IFT43: variants seen among roughly 807,000 people sequenced by gnomAD.
IFT43 encodes intraflagellar transport protein 43 homolog.
IFT43 carries 33 observed loss-of-function variants against 32.3 expected under a neutral mutation model. That is an observed-to-expected ratio of 1.02 (90% CI 0.77 to 1.37). IFT43 has a LOEUF of 1.37. Among genes scored for constraint, IFT43 ranks in the 40% most tolerant of loss-of-function variants. IFT43 has a pLI of 0.00. For synonymous variants in IFT43, 93 were observed against 98.2 expected, an observed-to-expected ratio of 0.95 and a Z score of 0.31; for missense variants, 274 against 265.9, an observed-to-expected ratio of 1.03 and a Z score of -0.21.
At chr14:76,023,621 CA>C (rs2036336501) in intron 3 of IFT43, among the ~76,000 whole-genome samples, 1 of 152,198 alleles carries the variant, frequency 6.6e-6, no homozygotes, top group African/African-American at 2.4e-5. Context: ...TTCTTATCCC[CA>C]TTCTGTCCTC....
At chr14:76,007,546 G>A (rs1313771060) in intron 2 of IFT43, among the ~76,000 whole-genome samples, 1 of 152,124 alleles carries the variant, frequency 6.6e-6, no homozygotes, top group Admixed American at 6.5e-5. Flanking sequence ...GAGGTAGCAA[G>A]GCTAGACTGT....
intron 5 of IFT43, among the ~76,000 whole-genome samples, chr14:76,078,390 G>A (rs2037448543): frequency 6.6e-6 from 1 of 152,156 alleles, no homozygotes; most frequent in Admixed American, 6.5e-5. Context: ...TAATTTGTAA[G>A]CAGTACCTTT....
At chr14:76,080,964 T>C (rs1281992570) in intron 5 of IFT43, among the ~76,000 whole-genome samples, 1 of 152,224 alleles carries the variant, frequency 6.6e-6, no homozygotes, top group African/African-American at 2.4e-5. Flanking sequence ...AATTTCTTTC[T>C]ATTTTTATCC....
At chr14:76,076,745 T>A in intron 5 of IFT43, 1 of 1,602,602 alleles carries the variant, frequency 6.2e-7, no homozygotes, top group South Asian at 1.1e-5. Flanking sequence ...TCTGGGACTT[T>A]GCTAGGTAAT....
chr14:76,002,450 G>C (rs2035906012), intron 2 of IFT43, among the ~76,000 whole-genome samples: 1 of 152,136 alleles, frequency 6.6e-6, no homozygotes, highest in African/African-American at 2.4e-5. Flanking sequence ...GAAGTTGTTA[G>C]ATGAGGAGGG....
In IFT43 at chr14:75,986,413, G is replaced by A. The variant is rs977993181; in HGVS notation, c.54+573G>A. 8.7e-6 allele frequency: 4 copies of A among 460,970 alleles called. No individual in the cohort carries two copies. In the Admixed American group the frequency reaches 1.8e-4, roughly 21 times the overall value. The allele number at this position is 460,970 out of a possible 1,614,324, so 28.6% of individuals were successfully genotyped here. ...GAGTGATTAGGTGCTCAGGCACTGAGGCCAGATGGAGCATAGAGCTGTTGC... is the reference window on the plus strand; with the variant it reads ...GAGTGATTAGGTGCTCAGGCACTGAAGCCAGATGGAGCATAGAGCTGTTGC... On this transcript the variant is annotated intron_variant, in intron 1 of 8. Coordinates refer to ENST00000314067, the MANE Select transcript of IFT43 (RefSeq NM_001102564.3).
At chr14:76,046,478 C>G (rs946197800) in intron 3 of IFT43, among the ~76,000 whole-genome samples, 1 of 152,180 alleles carries the variant, frequency 6.6e-6, no homozygotes, top group African/African-American at 2.4e-5. Flanking sequence ...TGTAGCCACT[C>G]CCCTGGGCAC....
In IFT43 at chr14:75,992,493, T is replaced by C. The variant is rs1311105228; in HGVS notation, c.147+3516T>C. Among the ~76,000 whole-genome samples, 9 of 149,244 alleles carry C rather than the reference T, an allele frequency of 6.0e-5. No individual in the cohort carries two copies. The South Asian group carries it at 1.9e-3, about 32-fold the overall frequency. On this transcript the variant is annotated intron_variant, in intron 2 of 8. Transcript: ENST00000314067. The stretch of plus-strand genomic sequence containing the variant: ...CTGATTTGGAAATCTGTTCACAGGC[T>C]ACTACTCATTTATCCATAGGTTGGC...
intron 2 of IFT43, among the ~76,000 whole-genome samples, chr14:75,995,304 G>C (rs1181985995): frequency 6.6e-6 from 1 of 152,182 alleles, no homozygotes; most frequent in Non-Finnish European, 1.5e-5. Context: ...GAGGATTTTG[G>C]AAAGGGCGGA....
At chr14:76,000,836 T>G (rs2035871183) in intron 2 of IFT43, among the ~76,000 whole-genome samples, 1 of 152,144 alleles carries the variant, frequency 6.6e-6, no homozygotes, top group African/African-American at 2.4e-5. Flanking sequence ...TTTTTGAGAC[T>G]GAGAATTTAA....
At position 76,077,306 on chromosome 14, in the gene IFT43, T is replaced by C. The variant is rs1419393452; in HGVS notation, c.296-4989T>C. Among the ~76,000 whole-genome samples, 3 of 152,216 alleles carry C rather than the reference T, an allele frequency of 2.0e-5. No homozygotes were observed. In the East Asian group the frequency reaches 5.8e-4, roughly 29 times the overall value. On this transcript the variant is annotated intron_variant, in intron 5 of 8. Coordinates refer to ENST00000314067, the MANE Select transcript of IFT43 (RefSeq NM_001102564.3). ...TCCAGGAAGTAGCCAAGGATTACTCTTATTTGTTCTTGTGAAATGAATCCT... is the reference window on the plus strand; with the variant it reads ...TCCAGGAAGTAGCCAAGGATTACTCCTATTTGTTCTTGTGAAATGAATCCT...
chr14:76,016,247 G>C (rs1031963530), intron 2 of IFT43, among the ~76,000 whole-genome samples: 1 of 152,056 alleles, frequency 6.6e-6, no homozygotes, highest in African/African-American at 2.4e-5. Flanking sequence ...GTGAGAGATG[G>C]GGGCTCTGGT....
intron 3 of IFT43, among the ~76,000 whole-genome samples, chr14:76,056,704 A>G (rs2037023965): frequency 6.6e-6 from 1 of 152,126 alleles, no homozygotes; most frequent in Admixed American, 6.5e-5. Context: ...CCTTGGTGAC[A>G]TTAGCTGTGT....
intron 3 of IFT43, among the ~76,000 whole-genome samples, chr14:76,036,306 T>C (rs1333091977): frequency 6.6e-6 from 1 of 152,094 alleles, no homozygotes; most frequent in Non-Finnish European, 1.5e-5. Flanking sequence ...ATATTGTATT[T>C]AGCCATTTCC....
chr14:76,067,696 A>G (rs1049379845), intron 5 of IFT43, among the ~76,000 whole-genome samples: 1 of 152,182 alleles, frequency 6.6e-6, no homozygotes, highest in African/African-American at 2.4e-5. Flanking sequence ...AGAATGTACT[A>G]TATGGGAACT....
At chr14:76,049,798 T>C (rs150632327) in intron 3 of IFT43, among the ~76,000 whole-genome samples, 190 of 151,742 alleles carry the variant, frequency 1.3e-3, no homozygotes, top group African/African-American at 4.5e-3. Context: ...TATTAGATCA[T>C]TGAGGTCTCT....
At chr14:76,076,865 T>C (rs1054366847) in intron 5 of IFT43, among the ~76,000 whole-genome samples, 1 of 152,168 alleles carries the variant, frequency 6.6e-6, no homozygotes, top group Non-Finnish European at 1.5e-5. Context: ...CCAGTTGTAA[T>C]TGATCTATTG....
At chr14:76,057,047 G>A (rs899961330) in intron 3 of IFT43, among the ~76,000 whole-genome samples, 5 of 152,064 alleles carry the variant, frequency 3.3e-5, no homozygotes, top group African/African-American at 9.7e-5. Flanking sequence ...AGAAACTGCA[G>A]CCTGGGAGAT....
intron 3 of IFT43, 26 bp downstream of exon 3, chr14:76,022,420 A>C: frequency 7.3e-7 from 1 of 1,368,358 alleles, no homozygotes; most frequent in Non-Finnish European, 1.0e-6. Flanking sequence ...TCATAAGAGT[A>C]TGGGTGGGGG....
Sources: gnomAD v4.1 joint callset for allele counts (sites outside exome capture counted in the v4.1 genomes callset) on GRCh38, gnomAD v4.1.1 for gene constraint, MANE v1.5 for transcripts, NCBI Gene and HGNC (gene_info 2026-07-23, HGNC 2026-07-21) for gene names.